Variants in SCG3 observed in about 807,000 individuals in gnomAD.
SCG3 encodes the protein secretogranin III.
Under a neutral mutation model 56.2 loss-of-function variants are expected in SCG3, and 38 were observed. That is an observed-to-expected ratio of 0.68 (90% CI 0.52 to 0.89). The LOEUF is 0.89. Among genes scored for constraint, SCG3 ranks in the 40% least tolerant of loss-of-function variants. The probability of loss-of-function intolerance (pLI) is 0.00; values close to 1 mark genes in which losing one functional copy is unlikely to be tolerated. For synonymous variants in SCG3, 176 were observed against 184.2 expected, an observed-to-expected ratio of 0.96 and a Z score of 0.36; for missense variants, 524 against 540.7, an observed-to-expected ratio of 0.97 and a Z score of 0.31.
intron 10 of SCG3, 151 bp downstream of exon 10, chr15:51,701,395 T>A: frequency 1.4e-6 from 1 of 727,626 alleles, no homozygotes; most frequent in Non-Finnish European, 2.1e-6. Flanking sequence ...GTATCTTTAT[T>A]TGAATAGCAA....
chr15:51,718,921 G>A (rs1035778340), intron 11 of SCG3, among the ~76,000 whole-genome samples: 1 of 152,084 alleles, frequency 6.6e-6, no homozygotes, highest in Non-Finnish European at 1.5e-5. Flanking sequence ...CAGAACACCC[G>A]GTTCTGATCA....
chr15:51,692,451 A>G (rs1288253176), intron 7 of SCG3, 115 bp downstream of exon 7: 3 of 933,984 alleles, frequency 3.2e-6, no homozygotes, highest in African/African-American at 1.7e-5. Flanking sequence ...AATGACATAC[A>G]CTGTGGGCTT....
At position 51,701,153 on chromosome 15, in the gene SCG3, A is replaced by G. The variant is rs1298899983; in HGVS notation, c.1116A>G (p.Glu372=). The G allele has an allele frequency of 6.2e-7, 1 of 1,614,034 alleles. No individual in the cohort carries two copies. Among genetic ancestry groups the G allele is most frequent in the Non-Finnish European group, 8.5e-7 (1 of 1,179,958 alleles). The part of the protein sequence containing the change: ...SHEETDSTKE[E]AAKMEKEYGS... ...AAGAAACAGACAGTACCAAGGAAGA[A>G]GCAGCTAAGATGGAAAAGGAATATG... The change falls in exon 10 of 12, where the codon GAA becomes GAG. Residue 372 remains glutamate, a synonymous_variant. Transcript: ENST00000220478.
At chr15:51,719,380 C>G (rs1473140603) in intron 11 of SCG3, 28 bp from the exon 12 acceptor site, 2 of 1,528,910 alleles carry the variant, frequency 1.3e-6, no homozygotes, top group African/African-American at 2.7e-5. Flanking sequence ...CTGATCTTTG[C>G]TCATTATGCT....
intron 10 of SCG3, among the ~76,000 whole-genome samples, chr15:51,702,480 C>A (rs1043600523): frequency 6.6e-6 from 1 of 152,184 alleles, no homozygotes; most frequent in African/African-American, 2.4e-5. Context: ...TGGTTTTGAA[C>A]TCCTGACCTC....
intron 11 of SCG3, among the ~76,000 whole-genome samples, chr15:51,716,807 G>A (rs2055459380): frequency 6.6e-6 from 1 of 152,230 alleles, no homozygotes; most frequent in Non-Finnish European, 1.5e-5. Context: ...GACACCACAG[G>A]GTGAGGGCGC....
chr15:51,715,510 G>A (rs1202125721), intron 11 of SCG3, among the ~76,000 whole-genome samples: 1 of 152,174 alleles, frequency 6.6e-6, no homozygotes, highest in Non-Finnish European at 1.5e-5. Flanking sequence ...AGGAAAGGGA[G>A]GTCCATGTGA....
chr15:51,685,039 T>C (rs1379878392), intron 4 of SCG3, among the ~76,000 whole-genome samples: 1 of 152,230 alleles, frequency 6.6e-6, no homozygotes, highest in Non-Finnish European at 1.5e-5. Context: ...ATGTTGATTA[T>C]CTCTGCCAGA....
At chr15:51,713,867 T>G (rs2055436734) in intron 11 of SCG3, among the ~76,000 whole-genome samples, 3 of 152,186 alleles carry the variant, frequency 2.0e-5, no homozygotes, top group Admixed American at 2.0e-4. Flanking sequence ...CTGTTCTAAG[T>G]GCCAGAGATG....
At chr15:51,704,719 A>G (rs964324051) in intron 10 of SCG3, among the ~76,000 whole-genome samples, 1 of 137,516 alleles carries the variant, frequency 7.3e-6, no homozygotes, top group African/African-American at 2.6e-5. Context: ...TTATTTGTCT[A>G]TGGACGCTTG....
intron 10 of SCG3, among the ~76,000 whole-genome samples, chr15:51,706,182 C>T (rs2055374480): frequency 6.6e-6 from 1 of 152,190 alleles, no homozygotes; most frequent in African/African-American, 2.4e-5. Context: ...AAAAGAAAAG[C>T]ATCCATGTGA....
rs1026752781 is a variant in SCG3 at position 51,719,691 on chromosome 15, C to T, written c.*165C>T. On this transcript the variant is annotated 3_prime_UTR_variant, in exon 12 of 12. Transcript: ENST00000220478. ...AGTGGTTAAAACATAGCTTTCTTCC[C>T]GTAAAAACTATCTGAAAGTAAAGTT... The T allele has an allele frequency of 3.6e-6, 2 of 555,358 alleles. No homozygotes were observed. The highest frequency in any genetic ancestry group is 2.5e-5 in the South Asian group (1 of 39,786). 34.4% of individuals were successfully genotyped at this position (555,358 alleles called of 1,614,324 possible).
intron 10 of SCG3, among the ~76,000 whole-genome samples, chr15:51,710,701 C>T (rs1352627097): frequency 6.6e-5 from 10 of 151,890 alleles, no homozygotes; most frequent in Admixed American, 2.6e-4. Flanking sequence ...GTCCTCCCAC[C>T]TCAGCCTCCT....
rs2055488600 is a variant in SCG3 at position 51,720,390 on chromosome 15, T to C, written c.*864T>C. ...TGTGATCCAAAGCTGGTCGAGCAGCTTTCCTGGAGGAAAAGGTTAATGAAC... is the reference window on the plus strand; with the variant it reads ...TGTGATCCAAAGCTGGTCGAGCAGCCTTCCTGGAGGAAAAGGTTAATGAAC... On this transcript the variant is annotated 3_prime_UTR_variant, in exon 12 of 12. Coordinates refer to ENST00000220478, the MANE Select transcript of SCG3 (RefSeq NM_013243.4). The C allele has an allele frequency of 6.6e-6, 1 of 152,208 alleles. No individual in the cohort carries two copies. The highest frequency in any genetic ancestry group is 1.5e-5 in the Non-Finnish European group (1 of 68,038). The allele number at this position is 152,208 out of a possible 1,614,324, so 9.4% of individuals were successfully genotyped here.
chr15:51,703,724 A>G (rs951549677), intron 10 of SCG3, among the ~76,000 whole-genome samples: 1 of 152,174 alleles, frequency 6.6e-6, no homozygotes, highest in Non-Finnish European at 1.5e-5. Flanking sequence ...ATAGTGGCAA[A>G]AGATGCTGCT....
chr15:51,696,962 C>T (rs1305816905), intron 8 of SCG3, among the ~76,000 whole-genome samples: 1 of 152,040 alleles, frequency 6.6e-6, no homozygotes, highest in African/African-American at 2.4e-5. Context: ...CTGGATGAAC[C>T]TCATTTTTTT....
At chr15:51,685,922 G>T (rs1023818458) in intron 4 of SCG3, among the ~76,000 whole-genome samples, 5 of 152,216 alleles carry the variant, frequency 3.3e-5, no homozygotes, top group African/African-American at 1.2e-4. Flanking sequence ...AATAAACCCT[G>T]TGTAGTCAGG....
At chr15:51,693,576 T>C (rs996053506) in intron 7 of SCG3, 3 of 152,248 alleles carry the variant, frequency 2.0e-5, no homozygotes, top group African/African-American at 7.2e-5. Context: ...TCTGTTGTTA[T>C]TGTTCAAACA....
intron 2 of SCG3, 64 bp from the exon 3 acceptor site, chr15:51,683,015 C>A: frequency 7.6e-7 from 1 of 1,312,902 alleles, no homozygotes; most frequent in South Asian, 1.3e-5. Flanking sequence ...TCATTTGGCT[C>A]TTGTACTTGG....
Sources: allele counts gnomAD v4.1 joint callset (sites outside exome capture counted in the v4.1 genomes callset), GRCh38; gene constraint gnomAD v4.1.1; transcripts MANE v1.5; gene names NCBI Gene and HGNC (gene_info 2026-07-23, HGNC 2026-07-21).